The following RAB18 variants were observed in gnomAD, a reference collection of about 807,000 sequenced individuals.
RAB18 encodes ras-related protein Rab-18.
In RAB18, 10 loss-of-function variants were observed where a neutral mutation model predicts 28.5. The ratio of observed to expected loss-of-function variants is 0.35; its 90% CI spans 0.22 to 0.60. RAB18 has a LOEUF of 0.60. Among genes scored for constraint, RAB18 ranks in the 20% least tolerant of loss-of-function variants. The pLI is 0.78. For synonymous variants in RAB18, 93 were observed against 86.9 expected, an observed-to-expected ratio of 1.07 and a Z score of -0.39; for missense variants, 188 against 244.2, an observed-to-expected ratio of 0.77 and a Z score of 1.53.
intron 3 of RAB18, 37 bp from the exon 4 acceptor site, chr10:27,532,470 A>G (rs1393199701): frequency 1.4e-6 from 2 of 1,459,338 alleles, no homozygotes; most frequent in East Asian, 2.3e-5. Context: ...AGGTCTATTT[A>G]TACTTTGTTT....
intron 1 of RAB18, among the ~76,000 whole-genome samples, chr10:27,508,019 A>T (rs1023062879): frequency 1.0e-4 from 14 of 136,544 alleles, no homozygotes; most frequent in Middle Eastern, 3.7e-3. Context: ...CCTCTCTCTT[A>T]AAAAAAAAAA....
chr10:27,513,905 C>T (rs16927998), intron 2 of RAB18: 65,681 of 152,044 alleles, frequency 0.43, 14,751 homozygotes, highest in Non-Finnish European at 0.5. Context: ...TGAAGCCAAA[C>T]AAGGAGTCAC....
At chr10:27,526,744 CTTTTCTG>C in intron 2 of RAB18, 77 bp from the exon 3 acceptor site, 5 of 1,570,612 alleles carry the variant, frequency 3.2e-6, no homozygotes, top group Non-Finnish European at 4.4e-6. Context: ...ATAATAGTGA[CTTTTCTG>C]TTTTCTGGTT....
chr10:27,522,379 T>C (rs546840252), intron 2 of RAB18, among the ~76,000 whole-genome samples: 2 of 152,346 alleles, frequency 1.3e-5, no homozygotes, highest in African/African-American at 4.8e-5. Context: ...ACCTTTGCTA[T>C]CTTTTGGTTA....
chr10:27,536,677 G>A (rs1280636322), intron 6 of RAB18, among the ~76,000 whole-genome samples: 1 of 152,230 alleles, frequency 6.6e-6, no homozygotes, highest in African/African-American at 2.4e-5. Flanking sequence ...TTTCAGGCAT[G>A]TTCAGTGTCC....
chr10:27,525,733 G>A (rs1168062569), intron 2 of RAB18, among the ~76,000 whole-genome samples: 1 of 152,144 alleles, frequency 6.6e-6, no homozygotes, highest in Non-Finnish European at 1.5e-5. Context: ...TATACAGAAA[G>A]ACCTGGCATA....
intron 2 of RAB18, among the ~76,000 whole-genome samples, chr10:27,512,863 G>T (rs1229212864): frequency 1.3e-5 from 2 of 151,856 alleles, no homozygotes; most frequent in Non-Finnish European, 2.9e-5. Flanking sequence ...TACTAAAAAG[G>T]CTTTGTCTTC....
chr10:27,533,944 A>T lies in RAB18; in HGVS notation c.395A>T (p.Asp132Val), dbSNP rs1834842354. The T allele has an allele frequency of 6.2e-7, 1 of 1,610,342 alleles. No homozygotes were observed. The highest frequency in any genetic ancestry group is 1.3e-5 in the African/African-American group (1 of 74,836). The change falls in exon 6 of 7, where the codon GAT becomes GTT. Residue 132 changes from aspartate to valine, a missense_variant. By Grantham distance (152) the Asp-to-Val change is radical. Coordinates refer to ENST00000356940, the MANE Select transcript of RAB18 (RefSeq NM_021252.5). ...ATATTTTAGGAAAATCGTGAAGTCG[A>T]TAGAAATGAAGGCCTGAAATTTGCA... Reference protein sequence around the residue: ...NKIDKENREVDRNEGLKFARK... With the variant: ...NKIDKENREVVRNEGLKFARK...
At chr10:27,530,597 T>C (rs1483149033) in intron 3 of RAB18, among the ~76,000 whole-genome samples, 1 of 151,948 alleles carries the variant, frequency 6.6e-6, no homozygotes, top group Non-Finnish European at 1.5e-5. Context: ...TAATGATTTG[T>C]CATTTAAAAA....
At chr10:27,531,460 C>CA (rs1834786360) in intron 3 of RAB18, 1 of 1,502,734 alleles carries the variant, frequency 6.7e-7, no homozygotes, top group Non-Finnish European at 8.9e-7. Context: ...AACAAACCCT[C>CA]ATTTACAGCA....
chr10:27,535,102 G>C (rs559640732), intron 6 of RAB18, among the ~76,000 whole-genome samples: 1 of 152,286 alleles, frequency 6.6e-6, no homozygotes, highest in East Asian at 1.9e-4. Flanking sequence ...GGACTGCTTA[G>C]GGAAAGTTCT....
chr10:27,531,696 T>C, intron 3 of RAB18: 1 of 695,590 alleles, frequency 1.4e-6, no homozygotes, highest in Admixed American at 2.1e-5. Context: ...TGTATAATCT[T>C]AGGTACCTTG....
At chr10:27,530,931 A>G (rs1010275321) in intron 3 of RAB18, among the ~76,000 whole-genome samples, 2 of 152,034 alleles carry the variant, frequency 1.3e-5, no homozygotes, top group Non-Finnish European at 2.9e-5. Context: ...CATGTTATCA[A>G]AGTTATAATC....
In RAB18 at chr10:27,539,570, C is replaced by T. The variant is rs1017344904; in HGVS notation, c.*1519C>T. 18 of 422,064 alleles carry T rather than the reference C, an allele frequency of 4.3e-5. No individual in the cohort carries two copies. The highest frequency in any genetic ancestry group is 6.2e-5 in the African/African-American group (3 of 48,202). The allele number at this position is 422,064 out of a possible 1,614,324, so 26.1% of individuals were successfully genotyped here. A position where few individuals can be genotyped will look rare whatever the true frequency, so the allele number is the denominator to read the frequency against. ...TACTACTAGAAATTTGGAGAAAGAA[C>T]ACTAACACATGTACTTGTGATTTGT... On this transcript the variant is annotated 3_prime_UTR_variant, in exon 7 of 7. Coordinates refer to ENST00000356940, the MANE Select transcript of RAB18 (RefSeq NM_021252.5).
intron 2 of RAB18, among the ~76,000 whole-genome samples, chr10:27,518,138 T>C (rs758119292): frequency 6.6e-6 from 1 of 152,224 alleles, no homozygotes; most frequent in Non-Finnish European, 1.5e-5. Context: ...TATTCATCAA[T>C]TGTGAGACAT....
At chr10:27,526,176 G>C (rs1408833349) in intron 2 of RAB18, among the ~76,000 whole-genome samples, 1 of 152,012 alleles carries the variant, frequency 6.6e-6, no homozygotes, top group African/African-American at 2.4e-5. Flanking sequence ...AGAACTTTGG[G>C]CACTCCTCTT....
At chr10:27,527,100 T>C in intron 3 of RAB18, 1 of 673,588 alleles carries the variant, frequency 1.5e-6, no homozygotes, top group Non-Finnish European at 2.8e-6. Context: ...CAATGCATAA[T>C]TCTTTATGAA....
At chr10:27,526,477 A>G (rs186300567) in intron 2 of RAB18, among the ~76,000 whole-genome samples, 9 of 152,290 alleles carry the variant, frequency 5.9e-5, no homozygotes, top group Admixed American at 6.5e-5. Context: ...GCCATGACCC[A>G]CAGTCAGCCA....
chr10:27,525,211 A>G (rs758865582), intron 2 of RAB18, among the ~76,000 whole-genome samples: 1 of 152,198 alleles, frequency 6.6e-6, no homozygotes, highest in Admixed American at 6.5e-5. Context: ...ATTAGCTCAT[A>G]GGAAAGATGC....
Sources: allele counts gnomAD v4.1 joint callset (sites outside exome capture counted in the v4.1 genomes callset), GRCh38; gene constraint gnomAD v4.1.1; transcripts MANE v1.5; gene names NCBI Gene and HGNC (gene_info 2026-07-23, HGNC 2026-07-21).